The following SASH1 variants were observed in gnomAD, a reference collection of about 807,000 sequenced individuals.
The protein encoded by SASH1 is SAM and SH3 domain containing 1, also known as SAM and SH3 domain-containing protein 1.
SASH1 carries 44 observed loss-of-function variants against 125.2 expected under a neutral mutation model. The observed-to-expected ratio is 0.35, with a 90% CI of 0.28 to 0.45. The LOEUF is 0.45. Ranked by LOEUF, SASH1 falls within the 20% of genes least tolerant of loss-of-function variation. SASH1 has a pLI of 1.00. For synonymous variants in SASH1, 639 were observed against 649.1 expected, an observed-to-expected ratio of 0.98 and a Z score of 0.24; for missense variants, 1,426 against 1,614.5, an observed-to-expected ratio of 0.88 and a Z score of 2.00.
chr6:148,527,641 A>G (rs1583305419), intron 12 of SASH1, 45 bp downstream of exon 12: 1 of 1,566,972 alleles, frequency 6.4e-7, no homozygotes, highest in Non-Finnish European at 8.6e-7. Flanking sequence ...CTTCCTGACA[A>G]GAAAAGCTGA....
rs79934829 is a variant in SASH1 at position 148,320,851 on chromosome 6, G to T, written n.74+48474G>T. ...ACACTTAATGTCATTTTATGTCTTT[G>T]TGCCTTTGCTCCCATTGTTCTCATA... is the stretch of plus-strand genomic sequence containing the variant. On this transcript the variant is annotated intron_variant and non_coding_transcript_variant, in intron 1 of 3. Coordinates refer to the SASH1 transcript ENST00000367469. Among the ~76,000 whole-genome samples the T allele has an allele frequency of 7.3e-3, 1,112 of 152,282 alleles. 30 individuals are homozygous for T. Among genetic ancestry groups the T allele is most frequent in the East Asian group, 0.06 (310 of 5,180 alleles).
intron 17 of SASH1, among the ~76,000 whole-genome samples, chr6:148,542,731 TAAC>T (rs1782296732): frequency 6.6e-6 from 1 of 152,242 alleles, no homozygotes; most frequent in Non-Finnish European, 1.5e-5. Flanking sequence ...GATCTTTATG[TAAC>T]AACAATAATA....
intron 8 of SASH1, chr6:148,514,002 T>C (rs1287600271): frequency 2.0e-6 from 2 of 1,022,864 alleles, no homozygotes; most frequent in Middle Eastern, 4.8e-4. Context: ...AGGGCCAGCA[T>C]CGGAGGGAGA....
At chr6:148,387,905 ATTTTTTTT>A (rs71004291) in intron 1 of SASH1, among the ~76,000 whole-genome samples, 98 of 54,024 alleles carry the variant, frequency 1.8e-3, no homozygotes, top group Middle Eastern at 0.014. Flanking sequence ...CGCCCTGCTA[ATTTTTTTT>A]TTTTTTTTTT....
intron 8 of SASH1, among the ~76,000 whole-genome samples, chr6:148,512,253 C>T (rs1013979424): frequency 6.6e-6 from 1 of 152,086 alleles, no homozygotes; most frequent in Non-Finnish European, 1.5e-5. Context: ...CACCTGACCT[C>T]GTGATCCTCC....
At chr6:148,261,364 C>T in the SASH1 span, among the ~76,000 whole-genome samples, 1 of 152,144 alleles carries the variant, frequency 6.6e-6, no homozygotes, top group Admixed American at 6.5e-5. Flanking sequence ...CATGTCCTTG[C>T]CTTTCTCCTA....
At chr6:148,419,673 G>T (rs1470738470) in intron 2 of SASH1, among the ~76,000 whole-genome samples, 2 of 152,158 alleles carry the variant, frequency 1.3e-5, no homozygotes, top group African/African-American at 4.8e-5. Flanking sequence ...TGCCCTTGGA[G>T]AGCAGGTCCT....
rs143638637 is a variant in SASH1 at position 148,525,337 on chromosome 6, A to G, written c.1256A>G (p.His419Arg). The G allele has an allele frequency of 1.2e-5, 20 of 1,614,018 alleles. No individual in the cohort carries two copies. The highest frequency in any genetic ancestry group is 1.5e-5 in the Non-Finnish European group (18 of 1,179,992). ...TTTGACTTGACGAATCGCTCTCTGC[A>G]CGTTGGCAGTAATAATTCTGACCCA... is the stretch of plus-strand genomic sequence containing the variant. ...GGFDLTNRSL[H>R]VGSNNSDPMG... is the part of the protein sequence containing the mutation. Residue 419 changes from histidine (H) to arginine (R), a missense_variant, in exon 11 of 20, where the codon CAC becomes CGC. Physicochemically the swap from His to Arg is conservative, Grantham distance 29. Transcript: ENST00000367467.
rs552897172 is a variant in SASH1, at chr6:148,358,821, C to T, written c.156+15598C>T. Among the ~76,000 whole-genome samples, 238 of 148,580 alleles carry T rather than the reference C, an allele frequency of 1.6e-3. 1 individual carries two copies. The highest frequency in any genetic ancestry group is 5.3e-3 in the African/African-American group (215 of 40,712). ...CGTGATCTCGGCTCACTGCAAGCTC[C>T]GCCTCCCGGGTTCACGCCATTCTCC... On this transcript the variant is annotated intron_variant, in intron 1 of 19. Transcript: ENST00000367467.
In SASH1 at chr6:148,532,172, G is replaced by A. The variant is rs1247394558; in HGVS notation, c.1564+511G>A. 6.6e-6 allele frequency among the ~76,000 whole-genome samples: 1 copy of A among 152,082 alleles called. No homozygotes were observed. The highest frequency in any genetic ancestry group is 2.4e-5 in the African/African-American group (1 of 41,382). ...AGCTCACTGCAACCTTCACCTCCCT[G>A]GCTCAAGGGATCCTCCTGCCTCAGC... is the stretch of plus-strand genomic sequence containing the variant. On this transcript the variant is annotated intron_variant, in intron 13 of 19. Transcript: ENST00000367467. The surrounding 1 kb of genome is among the most constrained non-coding windows in gnomAD (Gnocchi z 4.7).
chr6:148,438,742 A>AAC (rs1776408618), intron 2 of SASH1, among the ~76,000 whole-genome samples: 2 of 129,186 alleles, frequency 1.5e-5, no homozygotes, highest in Non-Finnish European at 3.2e-5. Flanking sequence ...AAAAAAAAAA[A>AAC]AAAACCAAAA....
At chr6:148,208,767 T>C in the SASH1 span, among the ~76,000 whole-genome samples, 12 of 152,330 alleles carry the variant, frequency 7.9e-5, no homozygotes, top group East Asian at 1.3e-3. Context: ...ACTTTGCCTA[T>C]TTCTTCATCT....
chr6:148,296,414 C>T (rs1431895715), intron 1 of SASH1, among the ~76,000 whole-genome samples: 1 of 152,218 alleles, frequency 6.6e-6, no homozygotes, highest in Non-Finnish European at 1.5e-5. Context: ...GCATGAGCCA[C>T]TACCCCAGGC....
Position 148,355,503 on chromosome 6 carries a change from G to A in SASH1, c.156+12280G>A, listed in dbSNP as rs981700202. Among the ~76,000 whole-genome samples, 5 of 152,278 alleles carry A rather than the reference G, an allele frequency of 3.3e-5. No homozygotes were observed. In the East Asian group the frequency reaches 5.8e-4, roughly 18 times the overall value. The stretch of plus-strand genomic sequence containing the variant: ...ATAAAATCTTCATGATGTAACTTTA[G>A]CATTATCAAAGAACTGGCTCCTTTT... On this transcript the variant is annotated intron_variant, in intron 1 of 19. Transcript: ENST00000367467.
chr6:148,250,133 C>T, the SASH1 span, among the ~76,000 whole-genome samples: 1 of 152,154 alleles, frequency 6.6e-6, no homozygotes, highest in Non-Finnish European at 1.5e-5. Context: ...AGTCTCTGCC[C>T]TCATCCCTCT....
At chr6:148,264,793 C>T in the SASH1 span, among the ~76,000 whole-genome samples, 1 of 152,244 alleles carries the variant, frequency 6.6e-6, no homozygotes, top group Non-Finnish European at 1.5e-5. Context: ...TGCTCCATCA[C>T]CTCTCCTAAC....
At chr6:148,381,772 G>A (rs1783149482) in intron 1 of SASH1, among the ~76,000 whole-genome samples, 1 of 151,764 alleles carries the variant, frequency 6.6e-6, no homozygotes, top group South Asian at 2.1e-4. Flanking sequence ...GGGATTACAG[G>A]CATGCACCAC....
At chr6:148,473,376 C>T (rs1778199747) in intron 6 of SASH1, among the ~76,000 whole-genome samples, 1 of 152,152 alleles carries the variant, frequency 6.6e-6, no homozygotes. Flanking sequence ...GCTTCAGTCT[C>T]CTGAGTGTCT....
In SASH1 at chr6:148,325,261, T is replaced by TTTGTTGTTGTTG. The variant is rs1554235037; in HGVS notation, n.74+52902_74+52913dup. On this transcript the variant is annotated intron_variant and non_coding_transcript_variant, in intron 1 of 3. Coordinates refer to the SASH1 transcript ENST00000367469. ...AGAGTGAAATAGGGGAAAAGCCTCT[T>TTTGTTGTTGTTG]TTGTTGTTGTTGTTGTTGTTGTTGT... Among the ~76,000 whole-genome samples the TTTGTTGTTGTTG allele has an allele frequency of 3.4e-3, 515 of 149,988 alleles. 4 individuals are homozygous for TTTGTTGTTGTTG. Among genetic ancestry groups the TTTGTTGTTGTTG allele is most frequent in the East Asian group, 0.028 (138 of 4,976 alleles).
Sources: gnomAD v4.1 joint callset for allele counts (sites outside exome capture counted in the v4.1 genomes callset) on GRCh38, gnomAD v4.1.1 for gene constraint, Gnocchi (gnomAD v3.1) non-coding constraint, MANE v1.5 for transcripts, NCBI Gene and HGNC (gene_info 2026-07-23, HGNC 2026-07-21) for gene names.